Variants in ARHGEF17 observed in about 807,000 individuals in gnomAD.
The protein encoded by ARHGEF17 is Rho guanine nucleotide exchange factor 17.
A neutral mutation model predicts 174.0 loss-of-function variants in ARHGEF17; 80 were observed. The observed-to-expected ratio is 0.46, with a 90% CI of 0.38 to 0.55. The LOEUF is 0.55. ARHGEF17 is among the 20% of genes least tolerant of loss of function. The pLI is 0.00. For missense variants in ARHGEF17, 2,886 were observed against 2,839.7 expected, an observed-to-expected ratio of 1.02 and a Z score of -0.37; for synonymous variants, 1,311 against 1,189.1, an observed-to-expected ratio of 1.10 and a Z score of -2.11.
intron 1 of ARHGEF17, among the ~76,000 whole-genome samples, chr11:73,332,401 GTGTGTGTA>G (rs1269993665): frequency 0.1 from 7,045 of 68,946 alleles, 373 homozygotes; most frequent in Admixed American, 0.21. Context: ...GTGTGTGTGT[GTGTGTGTA>G]TTTTAAATAA....
chr11:73,325,797 C>G (rs1865092226), intron 1 of ARHGEF17, among the ~76,000 whole-genome samples: 1 of 152,234 alleles, frequency 6.6e-6, no homozygotes, highest in Admixed American at 6.5e-5. Flanking sequence ...GAGTGTCCAG[C>G]AAGGGGCGGG....
chr11:73,338,926 C>T (rs1347149694), intron 1 of ARHGEF17, among the ~76,000 whole-genome samples: 1 of 152,058 alleles, frequency 6.6e-6, no homozygotes, highest in Admixed American at 6.5e-5. Flanking sequence ...GGAGCCAGGA[C>T]GTGTAAAGTG....
In ARHGEF17 at chr11:73,310,346, G is replaced by A; in HGVS notation, c.1708G>A (p.Glu570Lys). The A allele has an allele frequency of 1.2e-6, 2 of 1,613,786 alleles. No individual in the cohort carries two copies. Among genetic ancestry groups the A allele is most frequent in the Non-Finnish European group, 1.7e-6 (2 of 1,179,986 alleles). The change falls in exon 1 of 21, where the codon GAG becomes AAG. Residue 570 changes from glutamate (E) to lysine (K), a missense_variant. Coordinates refer to ENST00000263674, the MANE Select transcript of ARHGEF17 (RefSeq NM_014786.4). ...CAGTGCTCTGAAGTCCAGCTCCTCC[G>A]AGCTCCTGCTCACAGGCCCTGGTGC... ...RTSALKSSSS[E>K]LLLTGPGAEE...
At chr11:73,351,327 G>GTT (rs113165136) in intron 2 of ARHGEF17, among the ~76,000 whole-genome samples, 51 of 150,888 alleles carry the variant, frequency 3.4e-4, no homozygotes, top group African/African-American at 1.1e-3. Context: ...ACACCCTCCT[G>GTT]TTTTTTTTAG....
Position 73,308,851 on chromosome 11 carries a change from G to A in ARHGEF17, c.213G>A (p.Gln71=). The stretch of plus-strand genomic sequence containing the variant: ...CTGGGCCCCTGGCCGCCCCCGCGCA[G>A]CCGCGCCCGCTCCGCAGCCTCTCGC... ...LASGPLAAPA[Q]PRPLRSLSPS... The change falls in exon 1 of 21, where the codon CAG becomes CAA. Residue 71 remains glutamine (Q), a synonymous_variant. Coordinates refer to ENST00000263674, the MANE Select transcript of ARHGEF17 (RefSeq NM_014786.4). The A allele has an allele frequency of 7.5e-7, 1 of 1,341,160 alleles. No individual in the cohort carries two copies. The allele number at this position is 1,341,160 out of a possible 1,614,324, so 83.1% of individuals were successfully genotyped here. A position where few individuals can be genotyped will look rare whatever the true frequency, so the allele number is the denominator to read the frequency against.
chr11:73,366,144 C>T (rs564889789), intron 20 of ARHGEF17, among the ~76,000 whole-genome samples, 197 bp downstream of exon 20: 11,519 of 149,398 alleles, frequency 0.077, 567 homozygotes, highest in Non-Finnish European at 0.1. Flanking sequence ...TGTGTGTGCG[C>T]ACCTGCATGT....
At chr11:73,332,960 T>C (rs908538594) in intron 1 of ARHGEF17, among the ~76,000 whole-genome samples, 2 of 152,024 alleles carry the variant, frequency 1.3e-5, no homozygotes, top group African/African-American at 4.8e-5. Flanking sequence ...CCCAACGAGG[T>C]TGTGTAATTT....
Position 73,308,387 on chromosome 11 carries a change from A to C in ARHGEF17, c.-252A>C. The C allele has an allele frequency of 5.3e-6, 2 of 375,602 alleles. No homozygotes were observed. 23.3% of individuals were successfully genotyped at this position (375,602 alleles called of 1,614,324 possible). ...GTGCCGCGGTGCCCCTGGTCGCTCCAGCCGCGGCGGGGGCTGGGCCTGGGG... is the reference window on the plus strand; with the variant it reads ...GTGCCGCGGTGCCCCTGGTCGCTCCCGCCGCGGCGGGGGCTGGGCCTGGGG... On this transcript the variant is annotated 5_prime_UTR_variant, in exon 1 of 21. Coordinates refer to ENST00000263674, the MANE Select transcript of ARHGEF17 (RefSeq NM_014786.4).
intron 1 of ARHGEF17, among the ~76,000 whole-genome samples, chr11:73,319,322 A>G (rs997865349): frequency 3.3e-5 from 5 of 151,964 alleles, no homozygotes; most frequent in African/African-American, 7.3e-5. Context: ...TCGACCTCCC[A>G]AAGTGCTGGA....
rs972797774 is a variant in ARHGEF17 at position 73,310,239 on chromosome 11, T to C, written c.1601T>C (p.Leu534Pro). The change falls in exon 1 of 21, where the codon CTC (leucine) becomes CCC (proline). Residue 534 changes from leucine (L) to proline (P), a missense_variant. By Grantham distance (98) the Leu-to-Pro change is moderately conservative (BLOSUM62 -3). This residue lies in a region of ARHGEF17 where 1,728 missense variants were observed against 1,461.2 expected (regional missense o/e 1.18). Transcript: ENST00000263674. ...GCATCACCTGGCACGCGCCCCACAC[T>C]CAAGGACTTGACAGCCACTCTGCGG... ...APASPGTRPTLKDLTATLRRA... is the reference protein window; with the variant it reads ...APASPGTRPTPKDLTATLRRA... 6 of 1,613,932 alleles carry C rather than the reference T, an allele frequency of 3.7e-6. No homozygotes were observed. Among genetic ancestry groups the C allele is most frequent in the Non-Finnish European group, 3.4e-6 (4 of 1,180,004 alleles).
chr11:73,351,240 G>A (rs1218887476), intron 2 of ARHGEF17, among the ~76,000 whole-genome samples: 3 of 152,174 alleles, frequency 2.0e-5, no homozygotes, highest in Non-Finnish European at 4.4e-5. Flanking sequence ...TCTCAAGCTT[G>A]TTTTACAAAA....
Position 73,362,121 on chromosome 11 carries a change from G to A in ARHGEF17, c.4576G>A (p.Gly1526Ser). The change falls in exon 13 of 21, where the codon GGC becomes AGC. Residue 1526 changes from glycine to serine, a missense_variant. Around this residue, in one of 4 missense-constraint regions of ARHGEF17, gnomAD observed 476 missense variants for 473.1 expected, o/e 1.01. Transcript: ENST00000263674. ...GGTCTGCAACAGCGACGGCTACGTG[G>A]GCCAGGTGTGCCTGCTGAGCCTGCG... ...VWVCNSDGYV[G>S]QVCLLSLRAE... 1.2e-6 allele frequency: 2 copies of A among 1,612,186 alleles called. No individual in the cohort carries two copies. The highest frequency in any genetic ancestry group is 1.7e-6 in the Non-Finnish European group (2 of 1,179,804).
intron 1 of ARHGEF17, among the ~76,000 whole-genome samples, chr11:73,333,646 C>T (rs1262466738): frequency 1.3e-5 from 2 of 152,118 alleles, no homozygotes; most frequent in East Asian, 3.9e-4. Context: ...CTGGAGTGAC[C>T]GACTGATGGG....
chr11:73,347,028 A>G, intron 2 of ARHGEF17, 68 bp downstream of exon 2: 1 of 1,440,530 alleles, frequency 6.9e-7, no homozygotes, highest in Non-Finnish European at 9.6e-7. Flanking sequence ...GATGGGTGTG[A>G]GCAAACCCCT....
chr11:73,349,565 G>A lies in ARHGEF17; in HGVS notation c.3270+2605G>A, dbSNP rs1040387213. On this transcript the variant is annotated intron_variant, in intron 2 of 20. Coordinates refer to ENST00000263674, the MANE Select transcript of ARHGEF17 (RefSeq NM_014786.4). ...CGGGAGGCAGAGGTTGCAGCGAGCCGAGATCCTGCCACTGCACTCCAGCCT... is the reference window on the plus strand; with the variant it reads ...CGGGAGGCAGAGGTTGCAGCGAGCCAAGATCCTGCCACTGCACTCCAGCCT... 2.6e-5 allele frequency among the ~76,000 whole-genome samples: 4 copies of A among 152,114 alleles called. No individual in the cohort carries two copies. In the South Asian group the frequency reaches 8.3e-4, roughly 32 times the overall value.
At chr11:73,327,367 A>G (rs1865119131) in intron 1 of ARHGEF17, among the ~76,000 whole-genome samples, 1 of 152,224 alleles carries the variant, frequency 6.6e-6, no homozygotes, top group South Asian at 2.1e-4. Flanking sequence ...CTCCTGTAGG[A>G]TGAGTGAATT....
In ARHGEF17 at chr11:73,355,967, TG is replaced by T; in HGVS notation, c.3663+17del. ...CTTCTGGTGAAGGTGGGCATGGACC[TG>T]GGTGGGCAAGTGGGCAAGGCCTGGA... On this transcript the variant is annotated intron_variant, in intron 5 of 20. Coordinates refer to ENST00000263674, the MANE Select transcript of ARHGEF17 (RefSeq NM_014786.4). The T allele has an allele frequency of 6.2e-7, 1 of 1,614,008 alleles. No homozygotes were observed. The highest frequency in any genetic ancestry group is 8.5e-7 in the Non-Finnish European group (1 of 1,179,984).
At position 73,309,867 on chromosome 11, in the gene ARHGEF17, C is replaced by T. The variant is rs758793458; in HGVS notation, c.1229C>T (p.Ser410Phe). The change falls in exon 1 of 21, where the codon TCT (serine) becomes TTT (phenylalanine). Residue 410 changes from serine to phenylalanine, a missense_variant. By Grantham distance (155) the Ser-to-Phe change is radical (BLOSUM62 -2). Transcript: ENST00000263674. ...KDDDLWSSRG[S>F]GGWGVYRSPS... ...GACGACCTATGGTCTAGTAGGGGTT[C>T]TGGGGGCTGGGGCGTGTACCGCTCC... The T allele has an allele frequency of 5.0e-6, 8 of 1,613,108 alleles. No homozygotes were observed. In the South Asian group the frequency reaches 7.7e-5, roughly 15 times the overall value.
At chr11:73,325,046 C>T (rs1212213604) in intron 1 of ARHGEF17, among the ~76,000 whole-genome samples, 1 of 152,028 alleles carries the variant, frequency 6.6e-6, no homozygotes, top group African/African-American at 2.4e-5. Context: ...AGATGGGCCA[C>T]GGGCAGGTGA....
Sources: allele counts gnomAD v4.1 joint callset (sites outside exome capture counted in the v4.1 genomes callset), GRCh38; gene constraint gnomAD v4.1.1; regional missense constraint gnomAD v4.1.1; transcripts MANE v1.5; gene names NCBI Gene and HGNC (gene_info 2026-07-23, HGNC 2026-07-21).